Variants in EYS observed in about 807,000 individuals in gnomAD.
The protein encoded by EYS is EGF-like photoreceptor maintenance factor, also known as protein eyes shut homolog.
Under a neutral mutation model 282.1 loss-of-function variants are expected in EYS, and 250 were observed. That is an observed-to-expected ratio of 0.89 (90% confidence interval 0.80 to 0.98). EYS has a LOEUF of 0.98. Ranked by LOEUF, EYS falls within the 50% of genes least tolerant of loss-of-function variation. The probability of loss-of-function intolerance (pLI) is 0.00; values close to 1 mark genes in which losing one functional copy is unlikely to be tolerated. For missense variants in EYS, 4,016 were observed against 3,709.0 expected, an observed-to-expected ratio of 1.08 and a Z score of -2.15; for synonymous variants, 1,355 against 1,282.9, an observed-to-expected ratio of 1.06 and a Z score of -1.20.
At chr6:64,296,570 ATATATATATATATACATATATATATATAT>A (rs1561913648) in intron 30 of EYS, among the ~76,000 whole-genome samples, 2 of 6,156 alleles carry the variant, frequency 3.2e-4, no homozygotes, top group African/African-American at 2.1e-3. Flanking sequence ...ATATATATAT[ATATATATATATATACATATATATATATAT>A]TTTTTTTTTT....
At position 64,592,975 on chromosome 6, in the gene EYS, A is replaced by G. The variant is rs2149833174; in HGVS notation, c.3877+142T>C. 6 of 560,966 alleles carry G rather than the reference A, an allele frequency of 1.1e-5. No homozygotes were observed. The South Asian group carries it at 1.9e-4, about 18-fold the overall frequency. The allele number at this position is 560,966 out of a possible 1,614,324, so 34.7% of individuals were successfully genotyped here. ...TAAAACAAAACTTAAAACAGGAGTCATAACCAATAATGCTTAATTTTACAC... is the reference window on the plus strand; with the variant it reads ...TAAAACAAAACTTAAAACAGGAGTCGTAACCAATAATGCTTAATTTTACAC... On this transcript the variant is annotated intron_variant, in intron 25 of 42. Transcript: ENST00000503581.
chr6:64,157,574 C>A (rs1774971681), intron 31 of EYS, among the ~76,000 whole-genome samples: 1 of 152,146 alleles, frequency 6.6e-6, no homozygotes, highest in Non-Finnish European at 1.5e-5. Context: ...TCCAGAGTCC[C>A]CATGCTGTGG....
At chr6:64,398,786 T>C (rs1045930647) in intron 28 of EYS, among the ~76,000 whole-genome samples, 2 of 151,808 alleles carry the variant, frequency 1.3e-5, no homozygotes, top group Non-Finnish European at 3.0e-5. Context: ...GGGGCTTTGA[T>C]AAAGAAAGCT....
chr6:65,355,057 G>T (rs9445516), intron 8 of EYS, among the ~76,000 whole-genome samples: 102,407 of 151,878 alleles, frequency 0.67, 34,626 homozygotes, highest in South Asian at 0.71. Flanking sequence ...GGTCCTCATT[G>T]TGATAGAAAA....
chr6:65,690,233 A>G (rs1769191633), intron 1 of EYS, among the ~76,000 whole-genome samples: 1 of 150,136 alleles, frequency 6.7e-6, no homozygotes, highest in South Asian at 2.1e-4. Flanking sequence ...AGTTGCAGCA[A>G]AAGCTGGTTA....
intron 15 of EYS, among the ~76,000 whole-genome samples, chr6:64,937,612 G>T (rs1768953381): frequency 1.3e-5 from 2 of 151,382 alleles, no homozygotes; most frequent in East Asian, 3.9e-4. Flanking sequence ...CTACTAGAAG[G>T]GTTAAAAAGA....
chr6:65,383,097 A>T (rs901645583), intron 8 of EYS, among the ~76,000 whole-genome samples: 1 of 152,062 alleles, frequency 6.6e-6, no homozygotes, highest in Non-Finnish European at 1.5e-5. Context: ...TTGACGTTTC[A>T]TATCAGTTTT....
intron 22 of EYS, among the ~76,000 whole-genome samples, chr6:64,665,093 C>T (rs181220428): frequency 3.3e-5 from 5 of 152,182 alleles, no homozygotes; most frequent in East Asian, 1.9e-4. Context: ...AACTGTGATA[C>T]AAATAATATA....
At chr6:63,761,634 A>T (rs1202003304) in intron 41 of EYS, among the ~76,000 whole-genome samples, 1 of 151,910 alleles carries the variant, frequency 6.6e-6, no homozygotes, top group Non-Finnish European at 1.5e-5. Flanking sequence ...TTGGTGATTG[A>T]CTCCTGTACT....
At chr6:64,136,893 C>T (rs1400846109) in intron 31 of EYS, among the ~76,000 whole-genome samples, 1 of 152,086 alleles carries the variant, frequency 6.6e-6, no homozygotes, top group Non-Finnish European at 1.5e-5. Flanking sequence ...CTGCAAGATT[C>T]CCTAACAAGA....
intron 22 of EYS, among the ~76,000 whole-genome samples, chr6:64,803,418 C>G (rs9452959): frequency 0.67 from 101,333 of 151,728 alleles, 34,298 homozygotes; most frequent in Admixed American, 0.77. Flanking sequence ...GGGAGGAAGT[C>G]TGTGCTGATT....
intron 35 of EYS, among the ~76,000 whole-genome samples, chr6:63,931,162 C>T (rs1764881589): frequency 1.3e-5 from 2 of 152,128 alleles, no homozygotes; most frequent in African/African-American, 4.8e-5. Context: ...GCTCTTCAGC[C>T]TCACTCTTTT....
In EYS at chr6:64,591,373, C is replaced by T; in HGVS notation, c.4494G>A (p.Lys1498=). 5 of 1,551,268 alleles carry T rather than the reference C, an allele frequency of 3.2e-6. No homozygotes were observed. Among genetic ancestry groups the T allele is most frequent in the Non-Finnish European group, 4.4e-6 (5 of 1,146,750 alleles). Residue 1498 remains lysine (K), a synonymous_variant, in exon 26 of 43, where the codon AAG becomes AAA. Coordinates refer to ENST00000503581, the MANE Select transcript of EYS (RefSeq NM_001142800.2). ...TGGTTACCTGTTTAGATATAATTACCTTAGCAGGAAAAATGGGAGACATCG... is the reference window on the plus strand; with the variant it reads ...TGGTTACCTGTTTAGATATAATTACTTTAGCAGGAAAAATGGGAGACATCG... ...SPSMSPIFPA[K]VIISKQVTIL...
chr6:65,298,742 A>T (rs2058017628), intron 11 of EYS, among the ~76,000 whole-genome samples: 1 of 151,112 alleles, frequency 6.6e-6, no homozygotes, highest in African/African-American at 2.4e-5. Flanking sequence ...ATATATATAT[A>T]TTTAAATTCT....
intron 12 of EYS, among the ~76,000 whole-genome samples, chr6:65,167,719 T>C (rs1226006683): frequency 6.6e-6 from 1 of 151,316 alleles, no homozygotes; most frequent in Non-Finnish European, 1.5e-5. Flanking sequence ...GAATATTGCT[T>C]CTGTGACATT....
rs1431981229 is a variant in EYS at position 65,470,037 on chromosome 6, T to A, written c.862+20557A>T. ...ATAATACTTTCTCAGGAAAAGGATG[T>A]TTCTAGAGGAGTTTATGGTAATACC... is the stretch of plus-strand genomic sequence containing the variant. On this transcript the variant is annotated intron_variant, in intron 5 of 42. Coordinates refer to ENST00000503581, the MANE Select transcript of EYS (RefSeq NM_001142800.2). Among the ~76,000 whole-genome samples the A allele has an allele frequency of 2.6e-5, 4 of 152,176 alleles. No individual in the cohort carries two copies. In the East Asian group the frequency reaches 7.7e-4, roughly 29 times the overall value.
intron 13 of EYS, among the ~76,000 whole-genome samples, chr6:65,023,073 T>C (rs1320998997): frequency 6.6e-6 from 1 of 152,136 alleles, no homozygotes; most frequent in Non-Finnish European, 1.5e-5. Context: ...GATGTTCTTA[T>C]TAGATTATGA....
At chr6:65,648,314 A>ATATATGTGTGTGTGTGTGTG (rs373479571) in intron 1 of EYS, among the ~76,000 whole-genome samples, 2 of 147,792 alleles carry the variant, frequency 1.4e-5, no homozygotes, top group South Asian at 2.2e-4. Context: ...AAGAAAATAT[A>ATATATGTGTGTGTGTGTGTG]TGTGTGTGTG....
At chr6:63,786,239 AAAT>A in intron 39 of EYS, 2 of 151,900 alleles carry the variant, frequency 1.3e-5, no homozygotes, top group East Asian at 1.9e-4. Context: ...AGTAAAATAA[AAAT>A]AAAGAGTTTA....
Sources: gnomAD v4.1 joint callset for allele counts (sites outside exome capture counted in the v4.1 genomes callset) on GRCh38, gnomAD v4.1.1 for gene constraint, MANE v1.5 for transcripts, NCBI Gene and HGNC (gene_info 2026-07-23, HGNC 2026-07-21) for gene names.